The following FBN2 variants were observed in gnomAD, a reference collection of about 807,000 sequenced individuals.
The protein encoded by FBN2 is fibrillin 2, also known as fibrillin-2.
A neutral mutation model predicts 355.6 loss-of-function variants in FBN2; 105 were observed. The ratio of observed to expected loss-of-function variants is 0.30; its 90% CI spans 0.25 to 0.35. The LOEUF is 0.35. FBN2 is among the 10% of genes least tolerant of loss of function. The pLI, the probability that FBN2 is intolerant of heterozygous loss-of-function variation, is 1.00. For synonymous variants in FBN2, 1,350 were observed against 1,301.2 expected (o/e 1.04, Z -0.81); for missense variants, 3,280 against 3,758.7 (o/e 0.87, Z 3.33).
intron 7 of FBN2, among the ~76,000 whole-genome samples, chr5:128,430,812 T>G (rs1017152579): frequency 1.3e-5 from 2 of 151,934 alleles, no homozygotes; most frequent in African/African-American, 4.8e-5. Context: ...CCAGCACCAC[T>G]GCACTCCAGT....
At chr5:128,383,142 T>C (rs1752277499) in intron 11 of FBN2, among the ~76,000 whole-genome samples, 1 of 152,114 alleles carries the variant, frequency 6.6e-6, no homozygotes, top group African/African-American at 2.4e-5. Flanking sequence ...ACTGGCAGGA[T>C]GCAGCAAGCC....
At chr5:128,455,169 A>C (rs538051336) in intron 6 of FBN2, among the ~76,000 whole-genome samples, 1 of 152,338 alleles carries the variant, frequency 6.6e-6, no homozygotes, top group South Asian at 2.1e-4. Flanking sequence ...CTTTGTAAGA[A>C]AATTATACAT....
Position 128,362,609 on chromosome 5 carries a change from T to A in FBN2, c.2429-761A>T, listed in dbSNP as rs1166086416. 5.3e-5 allele frequency among the ~76,000 whole-genome samples: 8 copies of A among 152,302 alleles called. No individual in the cohort carries two copies. The East Asian group carries it at 1.5e-3, about 29-fold the overall frequency. On this transcript the variant is annotated intron_variant, in intron 18 of 64. Coordinates refer to ENST00000262464, the MANE Select transcript of FBN2 (RefSeq NM_001999.4). ...CCAAAAGTAGCTAAGAATACAGGCA[T>A]GTGCCACCACGCCTGGCCAACTTAA...
At chr5:128,319,087 G>T in intron 34 of FBN2, 86 bp from the exon 35 acceptor site, 3 of 1,104,990 alleles carry the variant, frequency 2.7e-6, no homozygotes, top group Non-Finnish European at 4.1e-6. Flanking sequence ...GCATTTTTCT[G>T]CCCCCTCAGA....
chr5:128,422,120 A>T (rs1188080000), intron 7 of FBN2, among the ~76,000 whole-genome samples: 1 of 152,228 alleles, frequency 6.6e-6, no homozygotes, highest in Non-Finnish European at 1.5e-5. Context: ...ACACTTCAAA[A>T]GGAATGTAAT....
intron 5 of FBN2, among the ~76,000 whole-genome samples, chr5:128,506,615 C>T (rs995164567): frequency 2.0e-5 from 3 of 152,110 alleles, no homozygotes; most frequent in Non-Finnish European, 4.4e-5. Flanking sequence ...AATTTTACTT[C>T]CTCCTTTCCA....
chr5:128,416,200 T>C (rs1164909741), intron 7 of FBN2, among the ~76,000 whole-genome samples: 1 of 152,094 alleles, frequency 6.6e-6, no homozygotes, highest in African/African-American at 2.4e-5. Flanking sequence ...TAATTTTGTA[T>C]TTTTAGTAGA....
At chr5:128,314,035 T>C (rs1217254432) in intron 36 of FBN2, among the ~76,000 whole-genome samples, 1 of 152,022 alleles carries the variant, frequency 6.6e-6, no homozygotes, top group Admixed American at 6.6e-5. Context: ...GACTAAACTA[T>C]GGTCTACTTT....
intron 5 of FBN2, among the ~76,000 whole-genome samples, chr5:128,473,564 C>G (rs1754932089): frequency 3.3e-5 from 5 of 152,154 alleles, no homozygotes; most frequent in Admixed American, 3.3e-4. Flanking sequence ...ACTCCAAGTG[C>G]TTGTGTGCTT....
chr5:128,420,254 A>T (rs1219044839), intron 7 of FBN2, among the ~76,000 whole-genome samples: 2 of 152,144 alleles, frequency 1.3e-5, no homozygotes, highest in Non-Finnish European at 2.9e-5. Flanking sequence ...TTTAATATGA[A>T]CCATTAGCCA....
At chr5:128,433,354 A>G (rs939795003) in intron 7 of FBN2, among the ~76,000 whole-genome samples, 7 of 152,280 alleles carry the variant, frequency 4.6e-5, no homozygotes, top group African/African-American at 1.4e-4. Context: ...AAGATAAATA[A>G]TTTTTACGAT....
At chr5:128,318,781 A>C in intron 35 of FBN2, 98 bp downstream of exon 35, 1 of 1,291,362 alleles carries the variant, frequency 7.7e-7, no homozygotes, top group Middle Eastern at 1.9e-4. Flanking sequence ...AACCTAATGC[A>C]TAGATTAGCT....
rs143936202 is a variant in FBN2 at position 128,378,163 on chromosome 5, T to G, written c.1724-286A>C. Among the ~76,000 whole-genome samples, 28 of 151,850 alleles carry G rather than the reference T, an allele frequency of 1.8e-4. 1 individual carries two copies. In the East Asian group the frequency reaches 2.9e-3, roughly 16 times the overall value. On this transcript the variant is annotated intron_variant, in intron 12 of 64. Transcript: ENST00000262464. Reference sequence around the variant, plus strand: ...TTACTGGTTGCAGCTGTTTTTCACATAGTGGATGAAGGCCTTAAAAGTCAG... The same window carrying G: ...TTACTGGTTGCAGCTGTTTTTCACAGAGTGGATGAAGGCCTTAAAAGTCAG...
intron 5 of FBN2, among the ~76,000 whole-genome samples, chr5:128,467,632 T>C (rs1368659461): frequency 6.6e-6 from 1 of 152,138 alleles, no homozygotes; most frequent in Non-Finnish European, 1.5e-5. Flanking sequence ...AATACTGATG[T>C]ATACCATGCT....
At chr5:128,357,513 T>A (rs755901311) in intron 19 of FBN2, 118 bp from the exon 20 acceptor site, 15 of 1,196,068 alleles carry the variant, frequency 1.3e-5, no homozygotes, top group Middle Eastern at 2.2e-4. Context: ...AATTTTAATA[T>A]GGATCTATGA....
chr5:128,466,373 C>G (rs1175204703), intron 5 of FBN2, among the ~76,000 whole-genome samples: 1 of 152,132 alleles, frequency 6.6e-6, no homozygotes, highest in Non-Finnish European at 1.5e-5. Context: ...AGATTTAATT[C>G]ATAGTTTTAT....
At position 128,318,986 on chromosome 5, in the gene FBN2, G is replaced by T. The variant is rs746080000; in HGVS notation, c.4487C>A (p.Ser1496Tyr). 5 of 1,608,446 alleles carry T rather than the reference G, an allele frequency of 3.1e-6. No individual in the cohort carries two copies. The highest frequency in any genetic ancestry group is 4.3e-6 in the Non-Finnish European group (5 of 1,175,170). The change falls in exon 35 of 65, where the codon TCC (serine) becomes TAC (tyrosine). Residue 1496 changes from serine (S) to tyrosine (Y), a missense_variant. Physicochemically the swap from Ser to Tyr is moderately radical, Grantham distance 144. This residue lies in a region of FBN2 where 2,284 missense variants were observed against 2,749.5 expected (regional missense o/e 0.83). Coordinates refer to ENST00000262464, the MANE Select transcript of FBN2 (RefSeq NM_001999.4). ...SRSCQDIDEC[S>Y]FQNICVFGTC... ...TCCAAAGACACAAATGTTTTGGAAG[G>T]AGCATTCATCAATATCTGAAGATTT...
chr5:128,489,723 T>C (rs1755447074), intron 5 of FBN2, among the ~76,000 whole-genome samples: 1 of 152,220 alleles, frequency 6.6e-6, no homozygotes, highest in Non-Finnish European at 1.5e-5. Context: ...GGTGTAATTA[T>C]TATACTCAAT....
chr5:128,368,632 C>T (rs981442680), intron 16 of FBN2, among the ~76,000 whole-genome samples: 4 of 151,610 alleles, frequency 2.6e-5, no homozygotes, highest in Non-Finnish European at 5.9e-5. Context: ...TGTAAAAAAA[C>T]CCTCTTATAA....
Sources: allele counts gnomAD v4.1 joint callset (sites outside exome capture counted in the v4.1 genomes callset), GRCh38; gene constraint gnomAD v4.1.1; regional missense constraint gnomAD v4.1.1; transcripts MANE v1.5; gene names NCBI Gene and HGNC (gene_info 2026-07-23, HGNC 2026-07-21).